TTC34: variants seen among roughly 807,000 people sequenced by gnomAD.
TTC34 encodes tetratricopeptide repeat domain 34, also known as tetratricopeptide repeat protein 34.
A neutral mutation model predicts 40.7 loss-of-function variants in TTC34; 44 were observed. The ratio of observed to expected loss-of-function variants is 1.08; its 90% CI spans 0.85 to 1.39. The LOEUF is 1.39. TTC34 is among the 40% of genes most tolerant of loss of function. The pLI is 0.00. For synonymous variants in TTC34, 422 were observed against 398.6 expected (o/e 1.06, Z -0.70); for missense variants, 884 against 838.0 (o/e 1.05, Z -0.68).
At chr1:2,783,865 G>A in intron 5 of TTC34, 90 bp from the exon 6 acceptor site, 1 of 1,261,076 alleles carries the variant, frequency 7.9e-7, no homozygotes, top group Non-Finnish European at 1.0e-6. Context: ...GGCAGAGGGT[G>A]CATGAGCTTC....
chr1:2,654,000 G>GCGCCCACAACCCCAGGCGAGCA (rs1639244556), intron 6 of TTC34, among the ~76,000 whole-genome samples: 1 of 105,374 alleles, frequency 9.5e-6, no homozygotes, highest in Non-Finnish European at 2.1e-5. Context: ...GTCTGGAGCA[G>GCGCCCACAACCCCAGGCGAGCA]TGCCCACACC....
intron 6 of TTC34, among the ~76,000 whole-genome samples, chr1:2,655,495 C>A (rs1262545872): frequency 6.6e-6 from 1 of 150,654 alleles, no homozygotes; most frequent in Non-Finnish European, 1.5e-5. Context: ...CACCCACACC[C>A]CCAGGTGAGC....
chr1:2,752,890 C>T (rs1641371372), intron 6 of TTC34, among the ~76,000 whole-genome samples: 1 of 151,510 alleles, frequency 6.6e-6, no homozygotes, highest in South Asian at 2.1e-4. Flanking sequence ...GAACGGCACC[C>T]ACACCCCCAG....
At chr1:2,751,505 C>T (rs1188293373) in intron 6 of TTC34, among the ~76,000 whole-genome samples, 3 of 61,280 alleles carry the variant, frequency 4.9e-5, no homozygotes, top group South Asian at 5.9e-4. Context: ...GAGCCTCTGA[C>T]AGCCTTGAAC....
Position 2,691,642 on chromosome 1 carries a change from C to G in TTC34, c.2227-46079G>C, listed in dbSNP as rs887608564. 9.6e-5 allele frequency among the ~76,000 whole-genome samples: 11 copies of G among 114,348 alleles called. 2 individuals carry two copies. The highest frequency in any genetic ancestry group is 1.9e-4 in the African/African-American group (6 of 32,058). The allele number at this position is 114,348 out of a possible 152,430, so 75.0% of individuals were successfully genotyped here. A position where few individuals can be genotyped will look rare whatever the true frequency, so the allele number is the denominator to read the frequency against. On this transcript the variant is annotated intron_variant, in intron 6 of 8. Transcript: ENST00000401095. ...CCTGCACCCCCAGGTGCGCACGTGA[C>G]AGCCTGGAACAGCACCGACACCCCC...
chr1:2,774,697 C>G (rs1569875710), intron 6 of TTC34: 1 of 89,412 alleles, frequency 1.1e-5, no homozygotes, highest in Admixed American at 1.4e-4. Context: ...TGGAGCAGCA[C>G]CCACACCCCC....
chr1:2,641,865 C>T lies in TTC34; in HGVS notation c.2743G>A (p.Asp915Asn), dbSNP rs1199280066. Residue 915 changes from aspartate to asparagine, a missense_variant, in exon 9 of 9, where the codon GAC (aspartate) becomes AAC (asparagine). Physicochemically the swap from Asp to Asn is conservative, Grantham distance 23. Coordinates refer to ENST00000401095, the Ensembl canonical transcript of TTC34. The stretch of plus-strand genomic sequence containing the variant: ...AGCGCCTGCCTGGGTTGCCCTGCGT[C>T]CAGGAGGGTGCCGGCTTCCTGGGCC... The T allele has an allele frequency of 6.7e-6, 10 of 1,500,436 alleles. 1 individual carries two copies. The highest frequency in any genetic ancestry group is 2.5e-5 in the South Asian group (2 of 79,524). 92.9% of individuals were successfully genotyped at this position (1,500,436 alleles called of 1,614,324 possible).
chr1:2,695,012 A>T (rs1483211595), intron 6 of TTC34, among the ~76,000 whole-genome samples: 4 of 152,108 alleles, frequency 2.6e-5, no homozygotes, highest in Non-Finnish European at 5.9e-5. Flanking sequence ...AGGATCTGAC[A>T]GCCTGGAACA....
exon 9 of TTC34, chr1:2,638,974 C>G (rs1212914043): frequency 6.6e-6 from 1 of 152,336 alleles, no homozygotes; most frequent in Non-Finnish European, 1.5e-5. Flanking sequence ...CCAGCTCGCT[C>G]TCTAGTGAGG....
chr1:2,782,981 C>T (rs1230359985), intron 6 of TTC34, among the ~76,000 whole-genome samples: 1 of 152,216 alleles, frequency 6.6e-6, no homozygotes. Context: ...GAACAGAAAC[C>T]ATCTTCCAGC....
intron 6 of TTC34, among the ~76,000 whole-genome samples, chr1:2,657,465 A>C (rs1273481024): frequency 1.1e-5 from 1 of 91,126 alleles, no homozygotes; most frequent in Admixed American, 1.0e-4. Flanking sequence ...CCACGCCCCC[A>C]GGCGAGCATC....
chr1:2,658,104 C>T, intron 6 of TTC34, among the ~76,000 whole-genome samples: 1 of 121,764 alleles, frequency 8.2e-6, no homozygotes, highest in Non-Finnish European at 1.9e-5. Flanking sequence ...GTGACCACAC[C>T]TCCCGGTGAG....
At chr1:2,800,466 A>G in exon 2 of TTC34, 1 of 398,490 alleles carries the variant, frequency 2.5e-6, no homozygotes. Flanking sequence ...GCGTTGCACC[A>G]CTTCTTCGTG....
intron 8 of TTC34, among the ~76,000 whole-genome samples, chr1:2,643,685 G>T (rs1318364485): frequency 1.3e-5 from 2 of 151,696 alleles, no homozygotes; most frequent in Non-Finnish European, 2.9e-5. Context: ...CTGCAGCACC[G>T]AACTGCCCCT....
At chr1:2,684,577 G>T (rs76335449) in intron 6 of TTC34, among the ~76,000 whole-genome samples, 3 of 135,582 alleles carry the variant, frequency 2.2e-5, no homozygotes, top group East Asian at 2.1e-4. Flanking sequence ...GCATCCGATA[G>T]CCTGGAGCAA....
intron 4 of TTC34, 89 bp downstream of exon 4, chr1:2,787,392 G>T: frequency 8.0e-7 from 1 of 1,246,164 alleles, no homozygotes; most frequent in Non-Finnish European, 1.1e-6. Context: ...AGACTGTGGG[G>T]TCCAGCGCCA....
At chr1:2,759,637 AC>A (rs1641626395) in intron 6 of TTC34, among the ~76,000 whole-genome samples, 1 of 151,744 alleles carries the variant, frequency 6.6e-6, no homozygotes, top group Non-Finnish European at 1.5e-5. Flanking sequence ...CAGCACCCAC[AC>A]CCCCAGGTGA....
chr1:2,643,414 C>T (rs1441855124), intron 8 of TTC34, among the ~76,000 whole-genome samples: 10 of 152,200 alleles, frequency 6.6e-5, no homozygotes, highest in Non-Finnish European at 1.5e-4. Context: ...CCTCCGGGCT[C>T]GGTGACCCCC....
intron 6 of TTC34, among the ~76,000 whole-genome samples, chr1:2,748,918 C>A (rs1238474553): frequency 2.5e-4 from 15 of 60,884 alleles, no homozygotes; most frequent in Admixed American, 5.9e-4. Context: ...ACAGAACCCA[C>A]ACCGCCAGGG....
Sources: allele counts gnomAD v4.1 joint callset (sites outside exome capture counted in the v4.1 genomes callset), GRCh38; gene constraint gnomAD v4.1.1; transcripts MANE v1.5; gene names NCBI Gene and HGNC (gene_info 2026-07-23, HGNC 2026-07-21).